Variants in DENND5A observed in about 807,000 individuals in gnomAD.
DENND5A encodes DENN domain containing 5A.
DENND5A carries 64 observed loss-of-function variants against 140.3 expected under a neutral mutation model. The ratio of observed to expected loss-of-function variants is 0.46; its 90% confidence interval spans 0.37 to 0.56. The LOEUF (loss-of-function observed/expected upper bound fraction) is 0.56. DENND5A is among the 20% of genes least tolerant of loss of function. The pLI, the probability that DENND5A is intolerant of heterozygous loss-of-function variation, is 0.00. For missense variants in DENND5A, 1,292 were observed against 1,593.8 expected (o/e 0.81, Z 3.22); for synonymous variants, 605 against 607.7 (o/e 1.00, Z 0.07).
intron 1 of DENND5A, among the ~76,000 whole-genome samples, chr11:9,214,656 A>G (rs1320185191): frequency 6.6e-6 from 1 of 152,218 alleles, no homozygotes; most frequent in Non-Finnish European, 1.5e-5. Flanking sequence ...GACATTCACA[A>G]GTAAGTACCC....
intron 13 of DENND5A, 136 bp from the exon 14 acceptor site, chr11:9,150,900 A>T: frequency 2.1e-6 from 1 of 481,408 alleles, no homozygotes; most frequent in Non-Finnish European, 3.7e-6. Context: ...ATTGTTTCAT[A>T]AATATTTATG....
Position 9,160,782 on chromosome 11 carries a change from C to A in DENND5A, c.2367G>T (p.Glu789Asp), listed in dbSNP as rs1847954397. 6.2e-7 allele frequency: 1 copy of A among 1,613,902 alleles called. No individual in the cohort carries two copies. Among genetic ancestry groups the A allele is most frequent in the Non-Finnish European group, 8.5e-7 (1 of 1,179,890 alleles). The change falls in exon 12 of 23, where the codon GAG becomes GAT. Residue 789 changes from glutamate (E) to aspartate (D), a missense_variant. By Grantham distance (45) the Glu-to-Asp change is conservative. Transcript: ENST00000328194. Reference protein sequence around the residue: ...HGEVNITGVEENTLIASLCDL... With the variant: ...HGEVNITGVEDNTLIASLCDL... ...CACAAAGGCTGGCAATCAGGGTGTT[C>A]TCTTCCACCCCTGTGATGTTCACCT...
At chr11:9,142,364 G>A (rs796597687) in intron 21 of DENND5A, among the ~76,000 whole-genome samples, 5 of 152,276 alleles carry the variant, frequency 3.3e-5, no homozygotes, top group African/African-American at 1.2e-4. Flanking sequence ...TTCTGAGGAT[G>A]GTTTCTTGCA....
chr11:9,147,150 T>C lies in DENND5A; in HGVS notation c.2737A>G (p.Lys913Glu), dbSNP rs1465050142. ...AGGAAGGCATAGCGCTTATATAACT[T>C]TCTGTTGGAGAGGAGGTAATACATC... The part of the protein sequence containing the change: ...QLLSDHELTK[K>E]LYKRYAFLRC... The change falls in exon 16 of 23, where the codon AAG (lysine) becomes GAG (glutamate). Residue 913 changes from lysine to glutamate, a missense_variant and splice_region_variant. Physicochemically the swap from Lys to Glu is moderately conservative, Grantham distance 56 (BLOSUM62 1). This residue lies in a region of DENND5A where 498 missense variants were observed against 689.7 expected (regional missense o/e 0.72). Transcript: ENST00000328194. 3 of 1,613,934 alleles carry C rather than the reference T, an allele frequency of 1.9e-6. No individual in the cohort carries two copies. The highest frequency in any genetic ancestry group is 4.5e-5 in the East Asian group (2 of 44,882).
chr11:9,163,711 C>T (rs765251629), intron 11 of DENND5A, among the ~76,000 whole-genome samples: 1 of 150,012 alleles, frequency 6.7e-6, no homozygotes, highest in East Asian at 2.0e-4. Context: ...GGCTAAGGCA[C>T]GAGAATTGCT....
intron 17 of DENND5A, 109 bp from the exon 18 acceptor site, chr11:9,145,222 C>T (rs1847387192): frequency 1.3e-6 from 1 of 797,746 alleles, no homozygotes; most frequent in African/African-American, 1.7e-5. Flanking sequence ...CCCTCAGCAT[C>T]TGCAGGCTTA....
At chr11:9,209,084 C>A (rs955660296) in intron 1 of DENND5A, among the ~76,000 whole-genome samples, 1 of 152,212 alleles carries the variant, frequency 6.6e-6, no homozygotes, top group Non-Finnish European at 1.5e-5. Flanking sequence ...AGCTTCTTCA[C>A]TTTCAGTTAT....
At chr11:9,162,692 T>C (rs546150116) in intron 11 of DENND5A, among the ~76,000 whole-genome samples, 2 of 152,092 alleles carry the variant, frequency 1.3e-5, no homozygotes, top group South Asian at 2.1e-4. Context: ...CTAAAATATA[T>C]GGTTTGGTTT....
At chr11:9,167,223 G>A (rs954828131) in intron 10 of DENND5A, among the ~76,000 whole-genome samples, 1 of 151,840 alleles carries the variant, frequency 6.6e-6, no homozygotes, top group Non-Finnish European at 1.5e-5. Flanking sequence ...ATTTATTCCA[G>A]TGGCATAACT....
rs983238806 is a variant in DENND5A at position 9,199,068 on chromosome 11, T to C, written c.949+4592A>G. Among the ~76,000 whole-genome samples the C allele has an allele frequency of 1.3e-5, 2 of 148,172 alleles. 1 individual carries two copies. Among genetic ancestry groups the C allele is most frequent in the South Asian group, 4.4e-4 (2 of 4,500 alleles). ...GCAAACTCCGTCTCAAAAATAATAA[T>C]AAATAATAAATAGTTTAACTATAAA... is the stretch of plus-strand genomic sequence containing the variant. On this transcript the variant is annotated intron_variant, in intron 4 of 22. Coordinates refer to ENST00000328194, the MANE Select transcript of DENND5A (RefSeq NM_015213.4).
intron 1 of DENND5A, among the ~76,000 whole-genome samples, chr11:9,218,058 C>G (rs1027053185): frequency 1.3e-5 from 2 of 152,126 alleles, no homozygotes; most frequent in African/African-American, 4.8e-5. Flanking sequence ...AGTTCAAGAC[C>G]AACCTGGGCA....
In DENND5A at chr11:9,160,720, A is replaced by T; in HGVS notation, c.2429T>A (p.Val810Glu). ...AGGCAAGACATACATTACCTGTTTCACTTGTAGTCCATGACTCCAGATCCT... is the reference window on the plus strand; with the variant it reads ...AGGCAAGACATACATTACCTGTTTCTCTTGTAGTCCATGACTCCAGATCCT... ...LERIWSHGLQ[V>E]KQGKSALWSH... is the part of the protein sequence containing the mutation. The change falls in exon 12 of 23, where the codon GTG (valine) becomes GAG (glutamate). Residue 810 changes from valine (V) to glutamate (E), a missense_variant. Around this residue, in one of 4 missense-constraint regions of DENND5A, gnomAD observed 498 missense variants for 689.7 expected, o/e 0.72. Coordinates refer to ENST00000328194, the MANE Select transcript of DENND5A (RefSeq NM_015213.4). The T allele has an allele frequency of 6.2e-7, 1 of 1,611,840 alleles. No homozygotes were observed. The highest frequency in any genetic ancestry group is 8.5e-7 in the Non-Finnish European group (1 of 1,178,224).
At chr11:9,220,613 C>T (rs1416253080) in intron 1 of DENND5A, among the ~76,000 whole-genome samples, 1 of 151,642 alleles carries the variant, frequency 6.6e-6, no homozygotes, top group Non-Finnish European at 1.5e-5. Flanking sequence ...AAATACCGGC[C>T]GGGCACAGGT....
chr11:9,197,082 A>G (rs1182963447), intron 4 of DENND5A, among the ~76,000 whole-genome samples: 1 of 151,306 alleles, frequency 6.6e-6, no homozygotes, highest in African/African-American at 2.4e-5. Flanking sequence ...AGGTAGGCGG[A>G]TCGCTTGAAG....
At chr11:9,179,389 G>A (rs1450478537) in intron 6 of DENND5A, among the ~76,000 whole-genome samples, 2 of 152,016 alleles carry the variant, frequency 1.3e-5, no homozygotes, top group African/African-American at 4.8e-5. Context: ...AGGTCAGGGA[G>A]AAAGGAAGGA....
intron 1 of DENND5A, among the ~76,000 whole-genome samples, chr11:9,247,649 G>A (rs183556050): frequency 1.2e-4 from 18 of 152,104 alleles, no homozygotes; most frequent in Admixed American, 7.9e-4. Context: ...GTCTCAACAC[G>A]TTCTTGTGCC....
chr11:9,233,702 A>C (rs898510958), intron 1 of DENND5A, among the ~76,000 whole-genome samples: 13 of 152,162 alleles, frequency 8.5e-5, no homozygotes, highest in Non-Finnish European at 1.6e-4. Context: ...GTGTAGTCAG[A>C]AACCAAAGCA....
At chr11:9,230,108 A>G (rs1027311722) in intron 1 of DENND5A, among the ~76,000 whole-genome samples, 5 of 149,764 alleles carry the variant, frequency 3.3e-5, no homozygotes, top group African/African-American at 1.2e-4. Context: ...ACGGGGTTTC[A>G]CCGTGTTAGC....
In DENND5A at chr11:9,184,521, C is replaced by T. The variant is rs557023250; in HGVS notation, c.1138-3437G>A. On this transcript the variant is annotated intron_variant, in intron 5 of 22. Coordinates refer to ENST00000328194, the MANE Select transcript of DENND5A (RefSeq NM_015213.4). Reference sequence around the variant, plus strand: ...AATATCCCACTTTAGAAAATGATGCCTAGCTGTATTCCAAAGTGGTTGCAA... The same window carrying T: ...AATATCCCACTTTAGAAAATGATGCTTAGCTGTATTCCAAAGTGGTTGCAA... Among the ~76,000 whole-genome samples, 8 of 152,216 alleles carry T rather than the reference C, an allele frequency of 5.3e-5. No individual in the cohort carries two copies. The South Asian group carries it at 1.7e-3, about 32-fold the overall frequency.
Sources: allele counts gnomAD v4.1 joint callset (sites outside exome capture counted in the v4.1 genomes callset), GRCh38; gene constraint gnomAD v4.1.1; regional missense constraint gnomAD v4.1.1; transcripts MANE v1.5; gene names NCBI Gene and HGNC (gene_info 2026-07-23, HGNC 2026-07-21).